Variants in PPP2R5E observed in about 807,000 individuals in gnomAD.
PPP2R5E encodes the protein serine/threonine-protein phosphatase 2A 56 kDa regulatory subunit epsilon isoform.
Under a neutral mutation model 65.3 loss-of-function variants are expected in PPP2R5E, and 4 were observed. The observed-to-expected ratio is 0.06, with a 90% CI of 0.03 to 0.14. PPP2R5E has a LOEUF of 0.14. PPP2R5E is among the 10% of genes least tolerant of loss of function. The pLI is 1.00. For synonymous variants in PPP2R5E, 183 were observed against 187.4 expected, an observed-to-expected ratio of 0.98 and a Z score of 0.19; for missense variants, 274 against 556.1, an observed-to-expected ratio of 0.49 and a Z score of 5.10.
At chr14:63,396,770 TA>T in intron 5 of PPP2R5E, 54 bp from the exon 6 acceptor site, 1 of 1,585,530 alleles carries the variant, frequency 6.3e-7, no homozygotes, top group Non-Finnish European at 8.6e-7. Context: ...GAAAAGGATT[TA>T]GGAATTCTAT....
At chr14:63,496,905 G>C (rs568977889) in intron 2 of PPP2R5E, among the ~76,000 whole-genome samples, 1 of 150,546 alleles carries the variant, frequency 6.6e-6, no homozygotes, top group Non-Finnish European at 1.5e-5. Context: ...AAAAAAGGTA[G>C]TTTTCCAAGA....
chr14:63,419,965 T>G (rs1886911471), intron 4 of PPP2R5E, among the ~76,000 whole-genome samples: 1 of 152,232 alleles, frequency 6.6e-6, no homozygotes, highest in African/African-American at 2.4e-5. Context: ...TGGTTTTTTG[T>G]GGCAGAATTA....
In PPP2R5E at chr14:63,462,155, C is replaced by T. The variant is rs181733233; in HGVS notation, c.158-8270G>A. 2.4e-3 allele frequency among the ~76,000 whole-genome samples: 372 copies of T among 151,956 alleles called. 2 individuals are homozygous for T. Among genetic ancestry groups the T allele is most frequent in the African/African-American group, 7.8e-3 (323 of 41,340 alleles). ...GTGCAATCTCGGCTCACTGCAAGCT[C>T]CGCCTCCTGGGTTCACGCCATTCTC... On this transcript the variant is annotated intron_variant, in intron 2 of 13. Coordinates refer to ENST00000337537, the MANE Select transcript of PPP2R5E (RefSeq NM_006246.5).
intron 2 of PPP2R5E, among the ~76,000 whole-genome samples, chr14:63,538,673 G>A (rs1309299168): frequency 2.6e-5 from 4 of 151,810 alleles, no homozygotes; most frequent in Admixed American, 1.3e-4. Flanking sequence ...GGCCAGGCAC[G>A]GTGGCTCACA....
Position 63,371,965 on chromosome 14 carries a change from A to G in PPP2R5E, c.*4044T>C, listed in dbSNP as rs1455193528. 6.6e-6 allele frequency: 1 copy of G among 152,182 alleles called. No homozygotes were observed. Among genetic ancestry groups the G allele is most frequent in the Non-Finnish European group, 1.5e-5 (1 of 68,036 alleles). 9.4% of individuals were successfully genotyped at this position (152,182 alleles called of 1,614,324 possible). ...ACCAGAAAATGCATTGGTAATATTT[A>G]TATTTGAAAATTCCCCATTGATACA... is the stretch of plus-strand genomic sequence containing the variant. On this transcript the variant is annotated 3_prime_UTR_variant, in exon 14 of 14. Transcript: ENST00000337537.
At chr14:63,460,555 G>C (rs752424377) in intron 2 of PPP2R5E, among the ~76,000 whole-genome samples, 2 of 152,238 alleles carry the variant, frequency 1.3e-5, no homozygotes, top group Non-Finnish European at 2.9e-5. Context: ...AAATATTCAC[G>C]TTTTAAAACT....
At chr14:63,379,252 T>TCTCCTAACCTCGTGATC (rs938024893) in intron 13 of PPP2R5E, among the ~76,000 whole-genome samples, 1 of 151,946 alleles carries the variant, frequency 6.6e-6, no homozygotes, top group Non-Finnish European at 1.5e-5. Context: ...ATGGTCTCGA[T>TCTCCTAACCTCGTGATC]CTCCTAACCT....
intron 5 of PPP2R5E, among the ~76,000 whole-genome samples, chr14:63,397,274 G>A (rs1478518547): frequency 6.6e-6 from 1 of 152,152 alleles, no homozygotes; most frequent in East Asian, 1.9e-4. Flanking sequence ...GGCCAAGGCA[G>A]GCGCATCACC....
chr14:63,527,028 T>C (rs1893212373), intron 2 of PPP2R5E, among the ~76,000 whole-genome samples: 1 of 152,146 alleles, frequency 6.6e-6, no homozygotes, highest in South Asian at 2.1e-4. Flanking sequence ...AATTAGTCAG[T>C]TGTGGTGGCA....
intron 2 of PPP2R5E, among the ~76,000 whole-genome samples, chr14:63,523,598 G>T (rs1003487176): frequency 6.7e-6 from 1 of 150,110 alleles, no homozygotes; most frequent in Non-Finnish European, 1.5e-5. Context: ...CTCCGCCTAG[G>T]AAAACCAGAG....
chr14:63,441,188 A>G (rs1220556943), intron 3 of PPP2R5E, among the ~76,000 whole-genome samples: 1 of 149,344 alleles, frequency 6.7e-6, no homozygotes, highest in Non-Finnish European at 1.5e-5. Flanking sequence ...TAGAAGGCAT[A>G]CGGGTGCTGG....
chr14:63,384,376 A>C (rs1157573743), intron 12 of PPP2R5E, 68 bp downstream of exon 12: 1 of 1,543,568 alleles, frequency 6.5e-7, no homozygotes, highest in Non-Finnish European at 8.9e-7. Context: ...TCTGGCACAT[A>C]ATAAGGCTGA....
chr14:63,386,050 G>A (rs1884646762), intron 11 of PPP2R5E, among the ~76,000 whole-genome samples: 1 of 152,078 alleles, frequency 6.6e-6, no homozygotes. Context: ...AGGGGAAAAG[G>A]GAAAAAGGGG....
intron 5 of PPP2R5E, among the ~76,000 whole-genome samples, chr14:63,399,727 T>C (rs372515756): frequency 8.0e-4 from 122 of 152,308 alleles, no homozygotes; most frequent in African/African-American, 2.0e-3. Flanking sequence ...GGTTTGAATG[T>C]TACTGAGTTG....
chr14:63,471,561 G>A (rs1890132045), intron 2 of PPP2R5E, among the ~76,000 whole-genome samples: 1 of 152,176 alleles, frequency 6.6e-6, no homozygotes, highest in African/African-American at 2.4e-5. Context: ...CTCTGTGGCA[G>A]TCACTATTAT....
rs536226822 is a variant in PPP2R5E at position 63,439,983 on chromosome 14, G to A, written c.354+13706C>T. Among the ~76,000 whole-genome samples the A allele has an allele frequency of 2.0e-5, 3 of 152,270 alleles. No homozygotes were observed. The South Asian group carries it at 6.2e-4, about 32-fold the overall frequency. ...ACTGGCACTTTCAATTTCCATATAC[G>A]TTTTCTGTGGGTCCTACCAATTCAA... On this transcript the variant is annotated intron_variant, in intron 3 of 13. Coordinates refer to ENST00000337537, the MANE Select transcript of PPP2R5E (RefSeq NM_006246.5).
intron 2 of PPP2R5E, among the ~76,000 whole-genome samples, chr14:63,456,544 A>G (rs1379679471): frequency 6.6e-6 from 1 of 152,250 alleles, no homozygotes; most frequent in Non-Finnish European, 1.5e-5. Context: ...TATACATATT[A>G]TATCTCCTTT....
At chr14:63,488,614 TG>T (rs1891122148) in intron 2 of PPP2R5E, among the ~76,000 whole-genome samples, 2 of 152,168 alleles carry the variant, frequency 1.3e-5, no homozygotes, top group South Asian at 4.1e-4. Flanking sequence ...TTTGGGAGGC[TG>T]AGTTGGGCAG....
At chr14:63,397,867 A>G (rs1885504610) in intron 5 of PPP2R5E, among the ~76,000 whole-genome samples, 1 of 151,942 alleles carries the variant, frequency 6.6e-6, no homozygotes, top group African/African-American at 2.4e-5. Flanking sequence ...AGCTGGGACT[A>G]AAGGCACCTA....
Sources: allele counts gnomAD v4.1 joint callset (sites outside exome capture counted in the v4.1 genomes callset), GRCh38; gene constraint gnomAD v4.1.1; transcripts MANE v1.5; gene names NCBI Gene and HGNC (gene_info 2026-07-23, HGNC 2026-07-21).